Variants in GALNT18 observed in about 807,000 individuals in gnomAD.
The protein encoded by GALNT18 is GalNAc-transferase 18.
Under a neutral mutation model 69.5 loss-of-function variants are expected in GALNT18, and 44 were observed. That is an observed-to-expected ratio of 0.63 (90% CI 0.50 to 0.81). The LOEUF (loss-of-function observed/expected upper bound fraction) is 0.81, where lower values mean the gene tolerates loss of function less well. Among genes scored for constraint, GALNT18 ranks in the 40% least tolerant of loss-of-function variants. The pLI is 0.00. For synonymous variants in GALNT18, 364 were observed against 318.2 expected (o/e 1.14, Z -1.53); for missense variants, 715 against 810.0 (o/e 0.88, Z 1.42).
chr11:11,296,628 G>A (rs1456525763), intron 9 of GALNT18, among the ~76,000 whole-genome samples: 1 of 152,194 alleles, frequency 6.6e-6, no homozygotes, highest in Non-Finnish European at 1.5e-5. Context: ...GCTGAAATCA[G>A]TTTTATCCAC....
At position 11,338,998 on chromosome 11, in the gene GALNT18, G is replaced by A. The variant is rs772642198; in HGVS notation, c.1278+1821C>T. Among the ~76,000 whole-genome samples the A allele has an allele frequency of 9.9e-5, 15 of 152,188 alleles. No individual in the cohort carries two copies. Among genetic ancestry groups the A allele is most frequent in the Non-Finnish European group, 1.9e-4 (13 of 68,028 alleles). Reference sequence around the variant, plus strand: ...GTCCATTAAATTAAGCATTTGGGAGGCCTATGTTGACCTTGACAAAGCAGT... The same window carrying A: ...GTCCATTAAATTAAGCATTTGGGAGACCTATGTTGACCTTGACAAAGCAGT... On this transcript the variant is annotated intron_variant, in intron 7 of 10. Coordinates refer to ENST00000227756, the MANE Select transcript of GALNT18 (RefSeq NM_198516.3). The surrounding 1 kb of genome is among the most constrained non-coding windows in gnomAD (Gnocchi z 5.3).
intron 1 of GALNT18, among the ~76,000 whole-genome samples, chr11:11,486,346 G>A (rs1223781308): frequency 1.3e-5 from 2 of 152,138 alleles, no homozygotes. Context: ...TAAAACAAAA[G>A]GAATATTGGG....
intron 3 of GALNT18, among the ~76,000 whole-genome samples, chr11:11,411,622 C>T (rs946861368): frequency 7.9e-5 from 12 of 152,246 alleles, no homozygotes; most frequent in Admixed American, 2.6e-4. Context: ...CCTGCTCAGC[C>T]TGGAACTGCT....
chr11:11,354,329 A>G (rs1277153399), intron 6 of GALNT18, among the ~76,000 whole-genome samples: 1 of 152,186 alleles, frequency 6.6e-6, no homozygotes, highest in African/African-American at 2.4e-5. Flanking sequence ...TCACAGGATA[A>G]TTTAGAAGCA....
intron 1 of GALNT18, among the ~76,000 whole-genome samples, chr11:11,536,349 C>T (rs1857772798): frequency 1.3e-5 from 2 of 152,190 alleles, no homozygotes; most frequent in Admixed American, 1.3e-4. Flanking sequence ...GATCACACAA[C>T]TGGTAGGTCC....
At chr11:11,335,479 T>C (rs1243072623) in intron 7 of GALNT18, among the ~76,000 whole-genome samples, 1 of 152,216 alleles carries the variant, frequency 6.6e-6, no homozygotes, top group East Asian at 1.9e-4. Flanking sequence ...TTGGCCCTTA[T>C]TAGAAAACAA....
intron 3 of GALNT18, among the ~76,000 whole-genome samples, chr11:11,390,044 G>C (rs960138186): frequency 3.3e-5 from 5 of 152,068 alleles, no homozygotes; most frequent in Non-Finnish European, 7.4e-5. Flanking sequence ...GAAATTTTTA[G>C]AGTCTCTGAT....
At chr11:11,556,167 G>T (rs4463835) in intron 1 of GALNT18, among the ~76,000 whole-genome samples, 1 of 152,100 alleles carries the variant, frequency 6.6e-6, no homozygotes, top group Non-Finnish European at 1.5e-5. Context: ...ATGGGCTCAG[G>T]GTTCCCACTA....
In GALNT18 at chr11:11,581,974, T is replaced by C. The variant is rs557582424; in HGVS notation, c.235+39385A>G. ...GGACAAAGTCCCTGCCCCCAGGATG[T>C]TTACAGTTTACTGGAAGAGAAAGAC... On this transcript the variant is annotated intron_variant, in intron 1 of 10. Coordinates refer to ENST00000227756, the MANE Select transcript of GALNT18 (RefSeq NM_198516.3). Among the ~76,000 whole-genome samples the C allele has an allele frequency of 1.1e-4, 16 of 152,028 alleles. 1 individual carries two copies. The highest frequency in any genetic ancestry group is 5.2e-4 in the Admixed American group (8 of 15,276).
rs550488653 is a variant in GALNT18 at position 11,587,689 on chromosome 11, C to A, written c.235+33670G>T. 2.0e-5 allele frequency among the ~76,000 whole-genome samples: 3 copies of A among 152,258 alleles called. No homozygotes were observed. In the South Asian group the frequency reaches 6.2e-4, roughly 32 times the overall value. On this transcript the variant is annotated intron_variant, in intron 1 of 10. Transcript: ENST00000227756. The surrounding 1 kb of genome is among the most constrained non-coding windows in gnomAD (Gnocchi z 4.4). The stretch of plus-strand genomic sequence containing the variant: ...TACCAGTCATCAACATCAAAACCAA[C>A]CTATAACAAGGAAAATTAACAGGCA...
At position 11,339,808 on chromosome 11, in the gene GALNT18, G is replaced by T. The variant is rs746515554; in HGVS notation, c.1278+1011C>A. Among the ~76,000 whole-genome samples, 1 of 152,142 alleles carries T rather than the reference G, an allele frequency of 6.6e-6. No homozygotes were observed. The highest frequency in any genetic ancestry group is 6.5e-5 in the Admixed American group (1 of 15,282). On this transcript the variant is annotated intron_variant, in intron 7 of 10. Transcript: ENST00000227756. The surrounding 1 kb of genome is among the most constrained non-coding windows in gnomAD (Gnocchi z 5.2). ...GGTGTGGCTGGGAGGTGGGCTAAAA[G>T]CTCCCACCCATGAACCAGTCAACTT... is the stretch of plus-strand genomic sequence containing the variant.
intron 1 of GALNT18, among the ~76,000 whole-genome samples, chr11:11,462,526 C>A (rs1213072621): frequency 6.6e-6 from 1 of 152,088 alleles, no homozygotes; most frequent in African/African-American, 2.4e-5. Context: ...CTCTTAACCT[C>A]AAGTGATCCA....
At chr11:11,395,062 A>G (rs1450774420) in intron 3 of GALNT18, among the ~76,000 whole-genome samples, 1 of 152,248 alleles carries the variant, frequency 6.6e-6, no homozygotes, top group African/African-American at 2.4e-5. Flanking sequence ...TGGGGTTATC[A>G]TCTTTCCTGA....
chr11:11,466,949 C>T (rs539292359), intron 1 of GALNT18, among the ~76,000 whole-genome samples: 1 of 152,294 alleles, frequency 6.6e-6, no homozygotes, highest in Non-Finnish European at 1.5e-5. Context: ...TTCTAGAAGG[C>T]TCAGAGTAGA....
Position 11,583,203 on chromosome 11 carries a change from A to G in GALNT18, c.235+38156T>C, listed in dbSNP as rs2133912372. On this transcript the variant is annotated intron_variant, in intron 1 of 10. Coordinates refer to ENST00000227756, the MANE Select transcript of GALNT18 (RefSeq NM_198516.3). This position sits in a 1 kb window ranked among gnomAD's most constrained non-coding sequence, Gnocchi z 4.7. Reference sequence around the variant, plus strand: ...CCAGTCTCCTGCTGAGTTATTGGTCAGGGAACACAAAGCCAATTCCACCCT... The same window carrying G: ...CCAGTCTCCTGCTGAGTTATTGGTCGGGGAACACAAAGCCAATTCCACCCT... Among the ~76,000 whole-genome samples the G allele has an allele frequency of 6.6e-6, 1 of 152,344 alleles. No homozygotes were observed. The highest frequency in any genetic ancestry group is 2.1e-4 in the South Asian group (1 of 4,834).
intron 3 of GALNT18, among the ~76,000 whole-genome samples, chr11:11,384,741 C>T (rs1311475253): frequency 1.3e-5 from 2 of 152,146 alleles, no homozygotes; most frequent in Non-Finnish European, 2.9e-5. Flanking sequence ...ATGCTGGCGC[C>T]CTGATCTCAG....
intron 10 of GALNT18, among the ~76,000 whole-genome samples, chr11:11,280,847 G>A (rs900178325): frequency 6.6e-6 from 1 of 152,176 alleles, no homozygotes; most frequent in Non-Finnish European, 1.5e-5. Context: ...CTCAAACTGT[G>A]GTCCACCTTG....
chr11:11,399,227 G>A (rs765140692), intron 3 of GALNT18, among the ~76,000 whole-genome samples: 31 of 152,174 alleles, frequency 2.0e-4, no homozygotes, highest in Middle Eastern at 3.4e-3. Flanking sequence ...ACAGGGAAGA[G>A]GACCCTCACC....
chr11:11,533,002 G>A (rs908544544), intron 1 of GALNT18, among the ~76,000 whole-genome samples: 6 of 152,298 alleles, frequency 3.9e-5, no homozygotes, highest in African/African-American at 1.4e-4. Flanking sequence ...ATGGCTCAAA[G>A]TTTGAGACCT....
Sources: allele counts gnomAD v4.1 joint callset (sites outside exome capture counted in the v4.1 genomes callset), GRCh38; gene constraint gnomAD v4.1.1; non-coding constraint Gnocchi (gnomAD v3.1); transcripts MANE v1.5; gene names NCBI Gene and HGNC (gene_info 2026-07-23, HGNC 2026-07-21).